TRIP12: variants seen among roughly 807,000 people sequenced by gnomAD.
TRIP12 encodes thyroid hormone receptor interactor 12, also known as E3 ubiquitin-protein ligase TRIP12.
TRIP12 carries 25 observed loss-of-function variants against 244.2 expected under a neutral mutation model. The observed-to-expected ratio is 0.10, with a 90% confidence interval of 0.07 to 0.14. The LOEUF (loss-of-function observed/expected upper bound fraction) is 0.14. TRIP12 is among the 10% of genes least tolerant of loss of function. The pLI is 1.00. For missense variants in TRIP12, 1,677 were observed against 2,486.4 expected, an observed-to-expected ratio of 0.67 and a Z score of 6.92; for synonymous variants, 905 against 873.1, an observed-to-expected ratio of 1.04 and a Z score of -0.64.
chr2:229,780,780 T>C (rs1427022978), intron 34 of TRIP12, among the ~76,000 whole-genome samples: 1 of 152,200 alleles, frequency 6.6e-6, no homozygotes, highest in East Asian at 1.9e-4. Context: ...TGGCCTAACA[T>C]ATATGTGTAC....
At chr2:229,807,972 AT>A (rs376608303) in intron 16 of TRIP12, 108 bp from the exon 17 acceptor site, 3,902 of 1,012,870 alleles carry the variant, frequency 3.9e-3, no homozygotes, top group Middle Eastern at 4.8e-3. Flanking sequence ...ATTTAGACCA[AT>A]TTTTTTTTTG....
chr2:229,893,080 A>G (rs2067787542), intron 1 of TRIP12, among the ~76,000 whole-genome samples: 1 of 152,174 alleles, frequency 6.6e-6, no homozygotes, highest in Non-Finnish European at 1.5e-5. Context: ...AAAATTTCTC[A>G]AAATACAAAA....
rs750499341 is a variant in TRIP12, at chr2:229,818,335, TA to T, written c.1599+28del. 1.9e-6 allele frequency: 3 copies of T among 1,609,768 alleles called. No individual in the cohort carries two copies. The South Asian group carries it at 3.3e-5, about 18-fold the overall frequency. ...GGCAGATTTCAGAGGACAAATGAGG[TA>T]AAAACGAGGGAAAAACATTATGCTT... On this transcript the variant is annotated intron_variant, in intron 9 of 41. Transcript: ENST00000675903.
intron 26 of TRIP12, 153 bp downstream of exon 26, chr2:229,795,026 G>A: frequency 1.3e-6 from 1 of 778,436 alleles, no homozygotes; most frequent in East Asian, 2.7e-5. Context: ...GAAAGCATTT[G>A]ATTCATTCTT....
intron 38 of TRIP12, among the ~76,000 whole-genome samples, chr2:229,773,192 C>T (rs2035076096): frequency 6.6e-6 from 1 of 151,912 alleles, no homozygotes; most frequent in Non-Finnish European, 1.5e-5. Context: ...TCTCCTGCCT[C>T]AGCCTCCTCA....
chr2:229,903,012 T>TTTC lies in TRIP12; in HGVS notation c.-50+18867_-50+18868insGAA, dbSNP rs541159891. Reference sequence around the variant, plus strand: ...TGTGCGGGTTTTTTTTTCTTTTTCTTTTTTTCTTTTTTTTTTTTTTTTTTG... The same window carrying TTTC: ...TGTGCGGGTTTTTTTTTCTTTTTCTTTTCTTTTTCTTTTTTTTTTTTTTTTTTG... On this transcript the variant is annotated intron_variant, in intron 1 of 41. Transcript: ENST00000675903. 1.8e-3 allele frequency among the ~76,000 whole-genome samples: 55 copies of TTTC among 30,042 alleles called. 2 individuals carry two copies. The highest frequency in any genetic ancestry group is 7.0e-3 in the South Asian group (3 of 426). 19.7% of individuals were successfully genotyped at this position (30,042 alleles called of 152,430 possible). A position where few individuals can be genotyped will look rare whatever the true frequency, so the allele number is the denominator to read the frequency against.
chr2:229,882,975 C>A (rs2065187948), intron 1 of TRIP12, among the ~76,000 whole-genome samples: 1 of 152,184 alleles, frequency 6.6e-6, no homozygotes, highest in Non-Finnish European at 1.5e-5. Context: ...AGCATAAATT[C>A]ATCTTTTTAA....
At chr2:229,839,022 T>C (rs1477380216) in intron 5 of TRIP12, among the ~76,000 whole-genome samples, 1 of 152,174 alleles carries the variant, frequency 6.6e-6, no homozygotes, top group South Asian at 2.1e-4. Flanking sequence ...GCATTACTAG[T>C]GTTGATGCAT....
chr2:229,876,709 G>A (rs998226806), intron 2 of TRIP12, among the ~76,000 whole-genome samples: 1 of 152,138 alleles, frequency 6.6e-6, no homozygotes, highest in Admixed American at 6.5e-5. Flanking sequence ...GCCCAGGCTG[G>A]AATGCACTGG....
intron 2 of TRIP12, among the ~76,000 whole-genome samples, chr2:229,877,284 A>G (rs2063773695): frequency 6.6e-6 from 1 of 152,156 alleles, no homozygotes; most frequent in Non-Finnish European, 1.5e-5. Context: ...TCATGCCTGT[A>G]ATCCCAGCAC....
At chr2:229,830,386 A>T (rs1170437803) in intron 7 of TRIP12, among the ~76,000 whole-genome samples, 2 of 152,244 alleles carry the variant, frequency 1.3e-5, no homozygotes, top group Non-Finnish European at 2.9e-5. Flanking sequence ...ATGGAACACT[A>T]GGCCTAAGTG....
Position 229,849,617 on chromosome 2 carries a change from C to T in TRIP12, c.1028-8690G>A, listed in dbSNP as rs565989297. ...GTGGCTCATGCCTATAATCCAAGCA[C>T]TTTCGGAGGCCTAGATAGGAGGATC... On this transcript the variant is annotated intron_variant, in intron 4 of 41. Transcript: ENST00000675903. Among the ~76,000 whole-genome samples, 25 of 152,162 alleles carry T rather than the reference C, an allele frequency of 1.6e-4. No individual in the cohort carries two copies. In the East Asian group the frequency reaches 4.1e-3, roughly 25 times the overall value.
chr2:229,771,840 T>TA lies in TRIP12; in HGVS notation c.5695-209dup, dbSNP rs919281029. The stretch of plus-strand genomic sequence containing the variant: ...TGGGGCCCCTACCAATAACAAAATG[T>TA]AAAAAAAAAATGCCATGTGCATTTA... On this transcript the variant is annotated intron_variant, in intron 38 of 41. Coordinates refer to ENST00000675903, the MANE Select transcript of TRIP12 (RefSeq NM_001348323.3). Among the ~76,000 whole-genome samples the TA allele has an allele frequency of 4.1e-4, 61 of 149,256 alleles. 1 individual carries two copies. Among genetic ancestry groups the TA allele is most frequent in the South Asian group, 1.1e-3 (5 of 4,736 alleles).
At chr2:229,904,342 C>G (rs544774393) in intron 1 of TRIP12, among the ~76,000 whole-genome samples, 1 of 141,790 alleles carries the variant, frequency 7.1e-6, no homozygotes, top group Admixed American at 7.6e-5. Context: ...CGCTTGAACC[C>G]AGGAGGTACA....
intron 30 of TRIP12, among the ~76,000 whole-genome samples, chr2:229,790,027 T>G (rs1409483544): frequency 6.6e-6 from 1 of 152,202 alleles, no homozygotes; most frequent in Non-Finnish European, 1.5e-5. Context: ...CATTTCTCCT[T>G]TATACCAGAA....
intron 6 of TRIP12, among the ~76,000 whole-genome samples, chr2:229,831,483 G>A (rs965176076): frequency 5.3e-5 from 8 of 152,132 alleles, no homozygotes; most frequent in African/African-American, 7.2e-5. Context: ...AGACCAACCC[G>A]GGCAATATAG....
upstream of TRIP12, among the ~76,000 whole-genome samples, chr2:229,922,991 A>C (rs2076813180): frequency 6.6e-6 from 1 of 152,190 alleles, no homozygotes; most frequent in Admixed American, 6.5e-5. Context: ...TGTCCCAAGG[A>C]GGAGCCGGCT....
At position 229,766,831 on chromosome 2, in the gene TRIP12, G is replaced by A. The variant is rs2031916998; in HGVS notation, c.*723C>T. 1 of 152,146 alleles carries A rather than the reference G, an allele frequency of 6.6e-6. No individual in the cohort carries two copies. The highest frequency in any genetic ancestry group is 2.1e-4 in the South Asian group (1 of 4,828). The allele number at this position is 152,146 out of a possible 1,614,324, so 9.4% of individuals were successfully genotyped here. ...TCCTTAGTGTGTCACCTGGGAAAAA[G>A]CCAGTAATACCCTAAACTATATTAA... On this transcript the variant is annotated 3_prime_UTR_variant, in exon 42 of 42. Coordinates refer to ENST00000675903, the MANE Select transcript of TRIP12 (RefSeq NM_001348323.3).
intron 1 of TRIP12, among the ~76,000 whole-genome samples, chr2:229,880,980 GT>G (rs1463190632): frequency 6.6e-6 from 1 of 152,100 alleles, no homozygotes. Flanking sequence ...TAAAACTATA[GT>G]ATCTTACTGA....
Sources: allele counts gnomAD v4.1 joint callset (sites outside exome capture counted in the v4.1 genomes callset), GRCh38; gene constraint gnomAD v4.1.1; transcripts MANE v1.5; gene names NCBI Gene and HGNC (gene_info 2026-07-23, HGNC 2026-07-21).